The following REC8 variants were observed in gnomAD, a reference collection of about 807,000 sequenced individuals.
REC8 encodes the protein meiotic recombination protein REC8 homolog.
REC8 carries 42 observed loss-of-function variants against 78.3 expected under a neutral mutation model. That is an observed-to-expected ratio of 0.54 (90% CI 0.42 to 0.69). REC8 has a LOEUF of 0.69. REC8 is among the 30% of genes least tolerant of loss of function. The probability of loss-of-function intolerance (pLI) is 0.00; values close to 1 mark genes in which losing one functional copy is unlikely to be tolerated. For synonymous variants in REC8, 268 were observed against 274.1 expected (o/e 0.98, Z 0.22); for missense variants, 581 against 715.8 (o/e 0.81, Z 2.15).
At chr14:24,179,252 G>C in intron 15 of REC8, 119 bp downstream of exon 15, 1 of 1,190,436 alleles carries the variant, frequency 8.4e-7, no homozygotes. Context: ...ACATAAGGAA[G>C]CACGGACTGG....
At chr14:24,178,012 T>C in intron 11 of REC8, 79 bp from the exon 12 acceptor site, 1 of 1,540,580 alleles carries the variant, frequency 6.5e-7, no homozygotes, top group South Asian at 1.3e-5. Context: ...GGGTGTGGGG[T>C]CCTGTTAGCA....
At chr14:24,180,582 G>C (rs774301543), downstream of REC8, 1 of 1,613,322 alleles carries the variant, frequency 6.2e-7, no homozygotes, top group East Asian at 2.2e-5. Context: ...TCTGGGTGGA[G>C]AGGGAGGGAG....
At chr14:24,180,497 C>A (rs967748096), downstream of REC8, 24 of 1,613,818 alleles carry the variant, frequency 1.5e-5, no homozygotes, top group Non-Finnish European at 1.7e-5. Context: ...AGGCAGTGAG[C>A]CCAGAGCTGC....
chr14:24,178,997 G>A, intron 14 of REC8, 81 bp downstream of exon 14: 1 of 1,601,640 alleles, frequency 6.2e-7, no homozygotes, highest in Non-Finnish European at 8.5e-7. Flanking sequence ...TGCTATGAGA[G>A]CCAACAGCAC....
intron 18 of REC8, 36 bp from the exon 19 acceptor site, chr14:24,179,974 C>T (rs765558861): frequency 3.1e-6 from 5 of 1,613,968 alleles, no homozygotes; most frequent in African/African-American, 1.3e-5. Context: ...CGTACAGGGA[C>T]TCCCCCGACC....
intron 5 of REC8, 140 bp downstream of exon 5, chr14:24,173,551 G>A (rs950230872): frequency 1.3e-6 from 2 of 1,494,094 alleles, no homozygotes; most frequent in Non-Finnish European, 1.8e-6. Flanking sequence ...GACTGCCAAG[G>A]TGGACCCATC....
chr14:24,179,834 C>T lies in REC8; in HGVS notation c.1486C>T (p.Pro496Ser). Residue 496 changes from proline (P) to serine (S), a missense_variant, in exon 18 of 19, where the codon CCC (proline) becomes TCC (serine). Coordinates refer to ENST00000611366, the MANE Select transcript of REC8 (RefSeq NM_001048205.2). The part of the protein sequence containing the change: ...VALELQANRE[P>S]DFSSLVSPLS... ...ACTGGAGCTGCAGGCTAACAGGGAG[C>T]CCGACTTCAGCAGCCTGGTGTCACC... 1 of 1,612,992 alleles carries T rather than the reference C, an allele frequency of 6.2e-7. No homozygotes were observed. The highest frequency in any genetic ancestry group is 8.5e-7 in the Non-Finnish European group (1 of 1,179,464).
In REC8 at chr14:24,172,758, G is replaced by C; in HGVS notation, c.102G>C (p.Leu34=). The C allele has an allele frequency of 6.2e-7, 1 of 1,614,220 alleles. No individual in the cohort carries two copies. The highest frequency in any genetic ancestry group is 1.1e-5 in the South Asian group (1 of 91,086). The change falls in exon 2 of 19, where the codon CTG becomes CTC. Residue 34 remains leucine (L), a synonymous_variant. Transcript: ENST00000611366. ...GCCGGTTGGTGAAGCGCGAATACCT[G>C]AGGGTGAATGTGGTGAAAACCTGGT... is the stretch of plus-strand genomic sequence containing the variant. ...RGSRLVKREY[L]RVNVVKTCEE...
chr14:24,178,485 G>A (rs1024802690), intron 12 of REC8, 121 bp from the exon 13 acceptor site: 16 of 1,067,348 alleles, frequency 1.5e-5, no homozygotes, highest in Non-Finnish European at 2.2e-5. Context: ...GGCAGGCAGG[G>A]TCATGAGCGC....
In REC8 at chr14:24,180,126, A is replaced by C; in HGVS notation, c.*31A>C. On this transcript the variant is annotated 3_prime_UTR_variant, in exon 19 of 19. Coordinates refer to ENST00000611366, the MANE Select transcript of REC8 (RefSeq NM_001048205.2). ...GAGTCCATTTACAAAGCTGCCAGGA[A>C]ACCGGCCACTTCTAGTAAACCACGT... is the stretch of plus-strand genomic sequence containing the variant. The C allele has an allele frequency of 1.2e-6, 2 of 1,614,142 alleles. No individual in the cohort carries two copies. The highest frequency in any genetic ancestry group is 1.7e-6 in the Non-Finnish European group (2 of 1,180,030).
downstream of REC8, chr14:24,180,371 G>T: frequency 6.4e-7 from 1 of 1,553,086 alleles, no homozygotes. Flanking sequence ...AGGCAGAACT[G>T]AACTGGGCTG....
At position 24,178,688 on chromosome 14, in the gene REC8, G is replaced by T. The variant is rs757165284; in HGVS notation, c.1063+16G>T. Reference sequence around the variant, plus strand: ...CCAACTCTCTGTAAGAATGGTGGGGGTTGGGCACGAAGTATCCTCAAAACC... The same window carrying T: ...CCAACTCTCTGTAAGAATGGTGGGGTTTGGGCACGAAGTATCCTCAAAACC... On this transcript the variant is annotated intron_variant, in intron 13 of 18. Coordinates refer to ENST00000611366, the MANE Select transcript of REC8 (RefSeq NM_001048205.2). 3.1e-6 allele frequency: 5 copies of T among 1,613,834 alleles called. No individual in the cohort carries two copies. Among genetic ancestry groups the T allele is most frequent in the Non-Finnish European group, 4.2e-6 (5 of 1,179,932 alleles).
In REC8 at chr14:24,178,774, C is replaced by T. The variant is rs1215482751; in HGVS notation, c.1064-3C>T. 1 of 1,607,720 alleles carries T rather than the reference C, an allele frequency of 6.2e-7. No homozygotes were observed. The highest frequency in any genetic ancestry group is 8.5e-7 in the Non-Finnish European group (1 of 1,175,278). On this transcript the variant is annotated splice_polypyrimidine_tract_variant and splice_region_variant and intron_variant, in intron 13 of 18. Coordinates refer to ENST00000611366, the MANE Select transcript of REC8 (RefSeq NM_001048205.2). ...CCCGTGCCTACTACCCTCTTGTCCA[C>T]AGCTGGCTGGCTACCCCCTGAACTA...
At chr14:24,176,959 G>T in intron 7 of REC8, 58 bp downstream of exon 7, 1 of 1,446,796 alleles carries the variant, frequency 6.9e-7, no homozygotes. Context: ...ACTTCTCTCT[G>T]TCCCCAGAGT....
At chr14:24,177,980 C>T in intron 11 of REC8, 111 bp from the exon 12 acceptor site, 2 of 1,523,168 alleles carry the variant, frequency 1.3e-6, no homozygotes, top group Non-Finnish European at 1.8e-6. Flanking sequence ...CGCACAAGCC[C>T]TCTCCAGGTT....
rs754196911 is a variant in REC8, at chr14:24,178,210, C to T, written c.984C>T (p.His328=). The T allele has an allele frequency of 5.6e-6, 9 of 1,613,778 alleles. No homozygotes were observed. The highest frequency in any genetic ancestry group is 1.6e-4 in the Middle Eastern group (1 of 6,082). Residue 328 remains histidine, a synonymous_variant, in exon 12 of 19, where the codon CAC becomes CAT. Transcript: ENST00000611366. ...KFQEQLQTRA[H]CWECPMVQPP... ...AGGAACAACTGCAAACCAGAGCCCA[C>T]TGCTGGGAATGTGTGAGTGCAGCCC...
Position 24,177,358 on chromosome 14 carries a change from C to T in REC8, c.712C>T (p.Arg238Trp), listed in dbSNP as rs377303811. 1.4e-5 allele frequency: 23 copies of T among 1,614,168 alleles called. No individual in the cohort carries two copies. Among genetic ancestry groups the T allele is most frequent in the Admixed American group, 3.3e-5 (2 of 60,020 alleles). ...EEEAILLEIP[R>W]LPPPAPAEVE... Reference sequence around the variant, plus strand: ...CTCTGATTCTCTCTCCACAGTCCCGCGGCTCCCACCTCCAGCTCCTGCAGA... The same window carrying T: ...CTCTGATTCTCTCTCCACAGTCCCGTGGCTCCCACCTCCAGCTCCTGCAGA... Residue 238 changes from arginine to tryptophan, a missense_variant, in exon 9 of 19, where the codon CGG (arginine) becomes TGG (tryptophan). Coordinates refer to ENST00000611366, the MANE Select transcript of REC8 (RefSeq NM_001048205.2).
downstream of REC8, chr14:24,180,288 G>A (rs1318315735): frequency 1.2e-5 from 18 of 1,523,538 alleles, no homozygotes; most frequent in Non-Finnish European, 1.6e-5. Flanking sequence ...AACAGATCCA[G>A]CCTCAGGGAC....
In REC8 at chr14:24,172,139, CAGGG is replaced by C. The variant is rs2038696586; in HGVS notation, c.-413_-410del. 5.0e-6 allele frequency: 1 copy of C among 200,518 alleles called. No homozygotes were observed. 12.4% of individuals were successfully genotyped at this position (200,518 alleles called of 1,614,324 possible). A position where few individuals can be genotyped will look rare whatever the true frequency, so the allele number is the denominator to read the frequency against. ...CGGCCGCCCAAGCCAGTGCAAGGCC[CAGGG>C]GCCTGACATCGCTCCCAGCGCTCGA... On this transcript the variant is annotated 5_prime_UTR_variant, in exon 1 of 19. Coordinates refer to ENST00000611366, the MANE Select transcript of REC8 (RefSeq NM_001048205.2).
Sources: gnomAD v4.1 joint callset for allele counts on GRCh38, gnomAD v4.1.1 for gene constraint, MANE v1.5 for transcripts, NCBI Gene and HGNC (gene_info 2026-07-23, HGNC 2026-07-21) for gene names.